PTPRD: variants seen among roughly 807,000 people sequenced by gnomAD.
PTPRD encodes protein tyrosine phosphatase receptor type D, also known as receptor-type tyrosine-protein phosphatase delta.
In PTPRD, 34 loss-of-function variants were observed where a neutral mutation model predicts 214.5. The ratio of observed to expected loss-of-function variants is 0.16; its 90% CI spans 0.12 to 0.21. The LOEUF is 0.21. Ranked by LOEUF, PTPRD falls within the 10% of genes least tolerant of loss-of-function variation. PTPRD has a pLI of 1.00. For missense variants in PTPRD, 2,545 were observed against 2,398.7 expected, an observed-to-expected ratio of 1.06 and a Z score of -1.27; for synonymous variants, 1,128 against 845.7, an observed-to-expected ratio of 1.33 and a Z score of -5.79.
chr9:10,566,018 T>C (rs1241098488), intron 2 of PTPRD, among the ~76,000 whole-genome samples: 2 of 152,026 alleles, frequency 1.3e-5, no homozygotes, highest in Non-Finnish European at 2.9e-5. Context: ...ATTTTTGAGT[T>C]TTATGTTAAT....
chr9:8,682,805 A>G (rs2097575211), intron 12 of PTPRD, among the ~76,000 whole-genome samples: 1 of 152,228 alleles, frequency 6.6e-6, no homozygotes, highest in Admixed American at 6.5e-5. Flanking sequence ...AGTGTATAAA[A>G]CAGATATTCA....
chr9:9,476,262 G>T (rs1378420190), intron 8 of PTPRD, among the ~76,000 whole-genome samples: 1 of 152,142 alleles, frequency 6.6e-6, no homozygotes, highest in Non-Finnish European at 1.5e-5. Flanking sequence ...ACTGGATTTT[G>T]AGGAAATAGA....
At chr9:9,626,461 G>T (rs900975288) in intron 7 of PTPRD, among the ~76,000 whole-genome samples, 1 of 152,104 alleles carries the variant, frequency 6.6e-6, no homozygotes, top group Non-Finnish European at 1.5e-5. Flanking sequence ...CAGAACTACT[G>T]GGGGAAAATC....
At chr9:9,976,733 ATAGT>A (rs1270220350) in intron 4 of PTPRD, among the ~76,000 whole-genome samples, 41 of 140,790 alleles carry the variant, frequency 2.9e-4, no homozygotes, top group African/African-American at 1.1e-3. Flanking sequence ...TTATGTCTAA[ATAGT>A]TAGTCACCAC....
At chr9:8,763,301 C>T (rs567269738) in intron 11 of PTPRD, among the ~76,000 whole-genome samples, 2 of 152,024 alleles carry the variant, frequency 1.3e-5, no homozygotes, top group African/African-American at 4.8e-5. Flanking sequence ...CGCCTGAAAC[C>T]AGGAGTTCGA....
intron 11 of PTPRD, among the ~76,000 whole-genome samples, chr9:8,759,924 A>C (rs2094301405): frequency 6.6e-6 from 1 of 152,108 alleles, no homozygotes; most frequent in Admixed American, 6.6e-5. Flanking sequence ...AACTGACAGG[A>C]CCTATCCAGA....
intron 10 of PTPRD, among the ~76,000 whole-genome samples, chr9:9,111,470 G>C (rs2099805980): frequency 6.6e-6 from 1 of 151,898 alleles, no homozygotes; most frequent in South Asian, 2.1e-4. Flanking sequence ...GATTCAGGTA[G>C]CACTGGAACA....
chr9:8,430,010 A>G (rs2094936888), intron 35 of PTPRD, among the ~76,000 whole-genome samples: 1 of 152,184 alleles, frequency 6.6e-6, no homozygotes, highest in Non-Finnish European at 1.5e-5. Context: ...TGTGGTCCAA[A>G]ATGTGACTTG....
chr9:10,369,181 A>T (rs1191542713), intron 2 of PTPRD, among the ~76,000 whole-genome samples: 1 of 152,088 alleles, frequency 6.6e-6, no homozygotes, highest in East Asian at 1.9e-4. Flanking sequence ...TTTTCCTCTT[A>T]GGGTCCATTT....
chr9:10,274,416 A>G (rs1051530970), intron 3 of PTPRD, among the ~76,000 whole-genome samples: 7 of 152,164 alleles, frequency 4.6e-5, no homozygotes, highest in Non-Finnish European at 8.8e-5. Flanking sequence ...CTCAAAAACG[A>G]CATTCTCCAA....
chr9:8,471,088 G>A lies in PTPRD; in HGVS notation c.3414-3C>T, dbSNP rs1252568876. ...GCACAATTATTATGTAGTAACCTCT[G>A]CACAAGAATGAATAGATAAAAGTTA... On this transcript the variant is annotated splice_polypyrimidine_tract_variant and splice_region_variant and intron_variant, in intron 30 of 45. Coordinates refer to ENST00000381196, the MANE Select transcript of PTPRD (RefSeq NM_002839.4). 4 of 1,611,226 alleles carry A rather than the reference G, an allele frequency of 2.5e-6. No individual in the cohort carries two copies. The highest frequency in any genetic ancestry group is 2.5e-6 in the Non-Finnish European group (3 of 1,177,594).
chr9:8,791,225 C>CCTTTTT lies in PTPRD; in HGVS notation c.-103-57285_-103-57280dup, dbSNP rs1209078036. On this transcript the variant is annotated intron_variant, in intron 11 of 45. Transcript: ENST00000381196. Reference sequence around the variant, plus strand: ...CAGAGGAGAAGACAATTTTTTTTTTCCTTTTTCTTTTTCTTTTTGAGACAG... The same window carrying CCTTTTT: ...CAGAGGAGAAGACAATTTTTTTTTTCCTTTTTCTTTTTCTTTTTCTTTTTGAGACAG... 2.0e-5 allele frequency among the ~76,000 whole-genome samples: 3 copies of CCTTTTT among 150,552 alleles called. No homozygotes were observed. The South Asian group carries it at 6.3e-4, about 31-fold the overall frequency.
intron 3 of PTPRD, among the ~76,000 whole-genome samples, chr9:10,105,280 G>A (rs1423273169): frequency 1.3e-5 from 2 of 151,690 alleles, no homozygotes; most frequent in African/African-American, 2.4e-5. Flanking sequence ...AATTCATCTT[G>A]AAGTATAAGT....
At chr9:8,954,569 G>C (rs1023489186) in intron 11 of PTPRD, among the ~76,000 whole-genome samples, 1 of 151,468 alleles carries the variant, frequency 6.6e-6, no homozygotes, top group Non-Finnish European at 1.5e-5. Context: ...ATGCAAAACA[G>C]CAAAAACAAA....
intron 12 of PTPRD, among the ~76,000 whole-genome samples, chr9:8,646,485 G>A (rs576858205): frequency 3.1e-4 from 47 of 152,016 alleles, no homozygotes; most frequent in African/African-American, 1.1e-3. Flanking sequence ...CATTGCCCAC[G>A]GAGAACCTAA....
chr9:9,626,116 T>TG (rs1564142547), intron 7 of PTPRD, among the ~76,000 whole-genome samples: 1 of 152,208 alleles, frequency 6.6e-6, no homozygotes, highest in Non-Finnish European at 1.5e-5. Flanking sequence ...TATCAACGTG[T>TG]GGTCTAGAAT....
chr9:9,975,323 A>C (rs4742646), intron 4 of PTPRD, among the ~76,000 whole-genome samples: 116,680 of 152,138 alleles, frequency 0.77, 45,289 homozygotes, highest in Middle Eastern at 0.89. Flanking sequence ...TTCAGACATA[A>C]ATACTTAACT....
chr9:10,115,338 A>C (rs725262), intron 3 of PTPRD, among the ~76,000 whole-genome samples: 16,613 of 152,072 alleles, frequency 0.11, 1,050 homozygotes, highest in South Asian at 0.27. Flanking sequence ...CATAATATGG[A>C]ATGTAAGGTA....
At chr9:9,457,014 T>G (rs953835696) in intron 8 of PTPRD, among the ~76,000 whole-genome samples, 40 of 151,992 alleles carry the variant, frequency 2.6e-4, no homozygotes, top group African/African-American at 9.7e-4. Context: ...CCAAATGGCA[T>G]GCCCAGTCAT....
Sources: allele counts gnomAD v4.1 joint callset (sites outside exome capture counted in the v4.1 genomes callset), GRCh38; gene constraint gnomAD v4.1.1; transcripts MANE v1.5; gene names NCBI Gene and HGNC (gene_info 2026-07-23, HGNC 2026-07-21).